Variants in FRMPD2 observed in about 807,000 individuals in gnomAD.
FRMPD2 encodes FERM and PDZ domain-containing protein 2.
FRMPD2 carries 96 observed loss-of-function variants against 140.1 expected under a neutral mutation model. The observed-to-expected ratio is 0.69, with a 90% CI of 0.58 to 0.81. The LOEUF (loss-of-function observed/expected upper bound fraction) is 0.81. Among genes scored for constraint, FRMPD2 ranks in the 40% least tolerant of loss-of-function variants. FRMPD2 has a pLI of 0.00. For missense variants in FRMPD2, 1,240 were observed against 1,447.4 expected (o/e 0.86, Z 2.32); for synonymous variants, 449 against 547.6 (o/e 0.82, Z 2.52).
intron 16 of FRMPD2, among the ~76,000 whole-genome samples, chr10:48,191,541 G>A (rs1305682966): frequency 6.6e-6 from 1 of 152,170 alleles, no homozygotes; most frequent in Non-Finnish European, 1.5e-5. Context: ...GTGGTGCACG[G>A]CAATGTACAT....
At chr10:48,261,088 T>C (rs183665927) in intron 1 of FRMPD2, among the ~76,000 whole-genome samples, 2 of 152,202 alleles carry the variant, frequency 1.3e-5, no homozygotes, top group African/African-American at 4.8e-5. Flanking sequence ...CAGTAGAAAC[T>C]TCCCAAATGG....
At chr10:48,208,043 C>T (rs1453654364) in intron 13 of FRMPD2, among the ~76,000 whole-genome samples, 6 of 151,884 alleles carry the variant, frequency 4.0e-5, no homozygotes, top group East Asian at 3.9e-4. Context: ...CTGTCATCAT[C>T]GTCATCATCA....
chr10:48,243,242 G>T (rs919965218), intron 4 of FRMPD2, among the ~76,000 whole-genome samples: 8 of 152,200 alleles, frequency 5.3e-5, no homozygotes, highest in Admixed American at 4.6e-4. Flanking sequence ...GACCATAGAG[G>T]ATGACAAGGA....
At chr10:48,246,997 C>T (rs76374246) in intron 3 of FRMPD2, among the ~76,000 whole-genome samples, 218 of 152,290 alleles carry the variant, frequency 1.4e-3, no homozygotes, top group African/African-American at 4.9e-3. Context: ...AGCGCTAAAC[C>T]AATGTTTGGT....
At chr10:48,222,190 C>A (rs1185088869) in intron 12 of FRMPD2, 123 bp downstream of exon 12, 4 of 928,128 alleles carry the variant, frequency 4.3e-6, no homozygotes, top group South Asian at 1.8e-5. Context: ...GTAGTTTACT[C>A]CAATCTAGCT....
chr10:48,184,150 C>T (rs919214418), intron 20 of FRMPD2, among the ~76,000 whole-genome samples: 1 of 151,290 alleles, frequency 6.6e-6, no homozygotes, highest in African/African-American at 2.4e-5. Context: ...TGTCTCCTCC[C>T]CAGCTGATTG....
rs185421524 is a variant in FRMPD2, at chr10:48,211,832, C to T, written c.1611+122G>A. ...CCCCTCCCTGCCTCCTAGAGTTCCA[C>T]CCTTGCTCATGCCTCCTTGTGGGTC... On this transcript the variant is annotated intron_variant, in intron 13 of 28. Coordinates refer to ENST00000374201, the MANE Select transcript of FRMPD2 (RefSeq NM_001018071.4). 4.6e-5 allele frequency: 40 copies of T among 867,664 alleles called. No individual in the cohort carries two copies. In the African/African-American group the frequency reaches 5.8e-4, roughly 13 times the overall value. 53.7% of individuals were successfully genotyped at this position (867,664 alleles called of 1,614,324 possible). A position where few individuals can be genotyped will look rare whatever the true frequency, so the allele number is the denominator to read the frequency against.
rs545345507 is a variant in FRMPD2 at position 48,222,550 on chromosome 10, G to C, written c.1317-99C>G. On this transcript the variant is annotated intron_variant, in intron 11 of 28. Transcript: ENST00000374201. ...TCAGTGTGGGAAGTTGGAAAAGTAG[G>C]GAAGACGAGATGCAACTCAATAGAA... 413 of 1,296,594 alleles carry C rather than the reference G, an allele frequency of 3.2e-4. 2 individuals carry two copies. In the South Asian group the frequency reaches 5.4e-3, roughly 17 times the overall value. The allele number at this position is 1,296,594 out of a possible 1,614,324, so 80.3% of individuals were successfully genotyped here.
chr10:48,180,393 G>A (rs1247426668), intron 21 of FRMPD2, among the ~76,000 whole-genome samples: 24 of 152,120 alleles, frequency 1.6e-4, no homozygotes, highest in Non-Finnish European at 1.2e-4. Flanking sequence ...CATGGGGTAT[G>A]GTCAAGAGCA....
chr10:48,237,553 C>T (rs1839995575), intron 8 of FRMPD2, among the ~76,000 whole-genome samples: 1 of 152,154 alleles, frequency 6.6e-6, no homozygotes, highest in Non-Finnish European at 1.5e-5. Flanking sequence ...CCCTATTACC[C>T]TCTTAGGGTT....
chr10:48,256,582 G>A (rs550558545), intron 1 of FRMPD2, among the ~76,000 whole-genome samples: 2 of 152,250 alleles, frequency 1.3e-5, no homozygotes, highest in African/African-American at 4.8e-5. Flanking sequence ...ATGCCCTGGA[G>A]ACACTCCTGC....
chr10:48,195,131 C>T (rs1367596420), intron 15 of FRMPD2, among the ~76,000 whole-genome samples: 1 of 152,224 alleles, frequency 6.6e-6, no homozygotes, highest in Non-Finnish European at 1.5e-5. Context: ...ACACCCAGGA[C>T]AAGATTCTGG....
At chr10:48,244,725 AC>A (rs1840204097) in intron 4 of FRMPD2, 58 bp downstream of exon 4, 1 of 1,316,400 alleles carries the variant, frequency 7.6e-7, no homozygotes, top group Non-Finnish European at 1.1e-6. Context: ...CCAGGAGAAA[AC>A]CACTAAATAA....
rs1839772354 is a variant in FRMPD2 at position 48,228,339 on chromosome 10, AT to A, written c.1168+3775del. Among the ~76,000 whole-genome samples the A allele has an allele frequency of 3.3e-5, 5 of 151,990 alleles. No individual in the cohort carries two copies. In the South Asian group the frequency reaches 1.0e-3, roughly 32 times the overall value. On this transcript the variant is annotated intron_variant, in intron 10 of 28. Coordinates refer to ENST00000374201, the MANE Select transcript of FRMPD2 (RefSeq NM_001018071.4). ...AAGATATATCTACTTAAAATGGTTT[AT>A]AAAATCTTTTTGGTTACTTAAAACA...
intron 15 of FRMPD2, among the ~76,000 whole-genome samples, chr10:48,200,355 C>A (rs2131861198): frequency 6.6e-6 from 1 of 152,202 alleles, no homozygotes; most frequent in South Asian, 2.1e-4. Flanking sequence ...TCAGCTGTAT[C>A]AACTAGTCAG....
At chr10:48,211,278 G>A (rs867690767) in intron 13 of FRMPD2, among the ~76,000 whole-genome samples, 29 of 152,342 alleles carry the variant, frequency 1.9e-4, no homozygotes, top group African/African-American at 5.3e-4. Context: ...TTTTTGCCCC[G>A]CTGGTGAAGA....
At chr10:48,260,146 A>G (rs543774919) in intron 1 of FRMPD2, among the ~76,000 whole-genome samples, 156 of 152,214 alleles carry the variant, frequency 1.0e-3, no homozygotes, top group African/African-American at 3.5e-3. Context: ...AATGGCTAAG[A>G]ATAGATAGAT....
At chr10:48,251,793 ACTG>A in intron 1 of FRMPD2, 102 bp from the exon 2 acceptor site, 1 of 1,374,802 alleles carries the variant, frequency 7.3e-7, no homozygotes. Flanking sequence ...TCTGGCCACT[ACTG>A]CACACCGGCA....
chr10:48,189,034 T>C (rs936709210), intron 16 of FRMPD2, among the ~76,000 whole-genome samples: 1 of 152,176 alleles, frequency 6.6e-6, no homozygotes, highest in African/African-American at 2.4e-5. Context: ...ACATCATGAA[T>C]GGACTGCGTG....
Sources: allele counts gnomAD v4.1 joint callset (sites outside exome capture counted in the v4.1 genomes callset), GRCh38; gene constraint gnomAD v4.1.1; transcripts MANE v1.5; gene names NCBI Gene and HGNC (gene_info 2026-07-23, HGNC 2026-07-21).